Variants in KLF8 observed in about 807,000 individuals in gnomAD.
KLF8 encodes the protein KLF transcription factor 8.
In KLF8, 10 loss-of-function variants were observed where a neutral mutation model predicts 18.2. That is an observed-to-expected ratio of 0.55 (90% CI 0.34 to 0.93). KLF8 has a LOEUF of 0.93. KLF8 is among the 40% of genes least tolerant of loss of function. KLF8 has a pLI of 0.02. For synonymous variants in KLF8, 109 were observed against 97.3 expected, an observed-to-expected ratio of 1.12 and a Z score of -0.71; for missense variants, 264 against 277.9, an observed-to-expected ratio of 0.95 and a Z score of 0.36.
In KLF8 at chrX:56,285,319, G is replaced by A. The variant is rs1457029219; in HGVS notation, c.*825G>A. 1.8e-5 allele frequency: 2 copies of A among 111,930 alleles called. No homozygotes were observed. Among genetic ancestry groups the A allele is most frequent in the Non-Finnish European group, 3.8e-5 (2 of 53,237 alleles). 9.2% of individuals were successfully genotyped at this position (111,930 alleles called of 1,213,427 possible). A position where few individuals can be genotyped will look rare whatever the true frequency, so the allele number is the denominator to read the frequency against. On this transcript the variant is annotated 3_prime_UTR_variant, in exon 6 of 6. Transcript: ENST00000468660. ...AAAATGTTCCAGGAGAGTAGGTTGG[G>A]CAGTGACAGGAACAAACAGACCTAG... is the stretch of plus-strand genomic sequence containing the variant.
chrX:55,933,155 GC>G, the KLF8 span, among the ~76,000 whole-genome samples: 2 of 109,986 alleles, frequency 1.8e-5, no homozygotes, highest in African/African-American at 6.7e-5. Context: ...CAAAATATTT[GC>G]CATTTTGCTT....
the KLF8 span, among the ~76,000 whole-genome samples, chrX:56,065,773 C>T: frequency 9.0e-6 from 1 of 111,577 alleles, no homozygotes; most frequent in Non-Finnish European, 1.9e-5. Flanking sequence ...TGGGTGTTTG[C>T]AGTAATATAG....
At chrX:55,950,072 G>T in the KLF8 span, among the ~76,000 whole-genome samples, 1 of 111,301 alleles carries the variant, frequency 9.0e-6, no homozygotes, top group Non-Finnish European at 1.9e-5. Flanking sequence ...AAGTAATGTA[G>T]CTTACATATC....
chrX:56,087,919 T>C, the KLF8 span, among the ~76,000 whole-genome samples: 1 of 111,549 alleles, frequency 9.0e-6, no homozygotes, highest in African/African-American at 3.3e-5. Context: ...GGTAATTTTT[T>C]TTTTTTACCA....
the KLF8 span, among the ~76,000 whole-genome samples, chrX:56,202,249 T>A: frequency 9.0e-6 from 1 of 110,870 alleles, no homozygotes; most frequent in Non-Finnish European, 1.9e-5. Context: ...TCTGTCTTTT[T>A]GGTTTGTTTG....
chrX:56,221,717 G>A, the KLF8 span, among the ~76,000 whole-genome samples: 2 of 111,782 alleles, frequency 1.8e-5, no homozygotes, highest in East Asian at 5.6e-4. Context: ...CTTCCGTAGT[G>A]AAGCTGCAGA....
chrX:55,923,212 G>A, the KLF8 span, among the ~76,000 whole-genome samples: 1 of 105,874 alleles, frequency 9.4e-6, no homozygotes, highest in South Asian at 4.4e-4. Context: ...TATCCTCAGC[G>A]AGTTAACACA....
chrX:55,949,636 CA>C, the KLF8 span, among the ~76,000 whole-genome samples: 55,783 of 106,824 alleles, frequency 0.52, 13,469 homozygotes, highest in East Asian at 0.75. Context: ...ACTAAAAATA[CA>C]AAAATTAGCT....
the KLF8 span, among the ~76,000 whole-genome samples, chrX:55,995,840 C>G: frequency 2.7e-5 from 3 of 111,337 alleles, no homozygotes; most frequent in African/African-American, 9.8e-5. Context: ...CTTGGAGAAT[C>G]TGATGACTAT....
chrX:56,010,609 A>T, the KLF8 span, among the ~76,000 whole-genome samples: 1 of 111,802 alleles, frequency 8.9e-6, no homozygotes, highest in South Asian at 3.7e-4. Context: ...TTCACACATA[A>T]CAATATTAAC....
chrX:56,227,579 G>A (rs767252380), upstream of KLF8, among the ~76,000 whole-genome samples: 4 of 111,035 alleles, frequency 3.6e-5, no homozygotes, highest in South Asian at 3.8e-4. Flanking sequence ...TCCTGACCTC[G>A]TGATGAATCC....
chrX:56,123,243 A>G, the KLF8 span, among the ~76,000 whole-genome samples: 11 of 94,189 alleles, frequency 1.2e-4, no homozygotes, highest in Admixed American at 1.2e-3. Flanking sequence ...CAAAAATAAA[A>G]AAAGAAAGAA....
At chrX:56,167,924 A>C in the KLF8 span, among the ~76,000 whole-genome samples, 1 of 111,697 alleles carries the variant, frequency 9.0e-6, no homozygotes, top group Non-Finnish European at 1.9e-5. Context: ...TTTCCATCCC[A>C]TATTCAGATA....
the KLF8 span, among the ~76,000 whole-genome samples, chrX:56,021,585 C>CTTT: frequency 2.0e-5 from 2 of 98,423 alleles, no homozygotes; most frequent in African/African-American, 7.4e-5. Context: ...CTGACCCGCT[C>CTTT]TTTTTTTTTT....
chrX:56,079,717 C>T, the KLF8 span, among the ~76,000 whole-genome samples: 1 of 110,673 alleles, frequency 9.0e-6, no homozygotes, highest in Admixed American at 9.7e-5. Flanking sequence ...GACTTTCTGT[C>T]TTGTTGATCT....
chrX:56,181,038 ATCTG>A, the KLF8 span, among the ~76,000 whole-genome samples: 3 of 111,250 alleles, frequency 2.7e-5, no homozygotes, highest in African/African-American at 9.8e-5. Context: ...TGTCTCATTG[ATCTG>A]TCTAATATTG....
the KLF8 span, among the ~76,000 whole-genome samples, chrX:56,081,647 C>A: frequency 1.4e-3 from 156 of 111,701 alleles, no homozygotes; most frequent in African/African-American, 4.7e-3. Context: ...GGAGAAAGTT[C>A]TGTTCTACTC....
the KLF8 span, among the ~76,000 whole-genome samples, chrX:56,166,148 T>TG: frequency 9.1e-6 from 1 of 109,568 alleles, no homozygotes; most frequent in Non-Finnish European, 1.9e-5. Context: ...TTTTTTTTTT[T>TG]TTGAGACAAC....
the KLF8 span, among the ~76,000 whole-genome samples, chrX:56,080,983 T>C: frequency 9.0e-6 from 1 of 111,268 alleles, no homozygotes; most frequent in Non-Finnish European, 1.9e-5. Context: ...TTCTCGAGCC[T>C]TGGTTTTCAG....
Sources: allele counts gnomAD v4.1 joint callset (sites outside exome capture counted in the v4.1 genomes callset), GRCh38; gene constraint gnomAD v4.1.1; transcripts MANE v1.5; gene names NCBI Gene and HGNC (gene_info 2026-07-23, HGNC 2026-07-21).